MACF1: variants seen among roughly 807,000 people sequenced by gnomAD.
MACF1 encodes microtubule-actin cross-linking factor 1.
Under a neutral mutation model 854.8 loss-of-function variants are expected in MACF1, and 193 were observed. That is an observed-to-expected ratio of 0.23 (90% confidence interval 0.20 to 0.25). The LOEUF (loss-of-function observed/expected upper bound fraction) is 0.25. Among genes scored for constraint, MACF1 ranks in the 10% least tolerant of loss-of-function variants. MACF1 has a pLI of 1.00. For missense variants in MACF1, 7,722 were observed against 8,929.1 expected (o/e 0.86, Z 5.45); for synonymous variants, 3,185 against 3,226.7 (o/e 0.99, Z 0.44).
At chr1:39,266,678 G>C (rs531830527) in intron 6 of MACF1, among the ~76,000 whole-genome samples, 6 of 146,432 alleles carry the variant, frequency 4.1e-5, no homozygotes, top group African/African-American at 1.5e-4. Context: ...GGCTTGCATG[G>C]AACCAGGCAG....
intron 40 of MACF1, among the ~76,000 whole-genome samples, chr1:39,344,204 A>G (rs1030871880): frequency 6.6e-6 from 1 of 152,044 alleles, no homozygotes; most frequent in Non-Finnish European, 1.5e-5. Flanking sequence ...AGGCGGGAGG[A>G]TCACCTGAAG....
chr1:39,147,450 TTTC>T (rs1031168578), intron 2 of MACF1, among the ~76,000 whole-genome samples: 1 of 151,144 alleles, frequency 6.6e-6, no homozygotes, highest in African/African-American at 2.4e-5. Flanking sequence ...TTCTTTCCTC[TTTC>T]TTTTCTTTCC....
chr1:39,150,896 A>G (rs911327269), intron 2 of MACF1, among the ~76,000 whole-genome samples: 2 of 151,894 alleles, frequency 1.3e-5, no homozygotes, highest in Non-Finnish European at 2.9e-5. Context: ...ACTTTCTAGG[A>G]TTTTGTCCTT....
chr1:39,316,788 A>G (rs752682914), intron 28 of MACF1, among the ~76,000 whole-genome samples: 14 of 152,200 alleles, frequency 9.2e-5, no homozygotes, highest in Non-Finnish European at 1.8e-4. Flanking sequence ...GATTAATTGG[A>G]TACAGTCAGT....
intron 38 of MACF1, among the ~76,000 whole-genome samples, chr1:39,337,636 G>A (rs550507482): frequency 1.1e-4 from 15 of 135,676 alleles, no homozygotes; most frequent in African/African-American, 4.1e-4. Flanking sequence ...CGGTGATCTC[G>A]GCTCACTGCA....
In MACF1 at chr1:39,105,588, C is replaced by T. The variant is rs1001417156; in HGVS notation, c.220+21150C>T. The T allele has an allele frequency of 1.0e-5, 12 of 1,200,534 alleles. No homozygotes were observed. The highest frequency in any genetic ancestry group is 1.1e-5 in the Non-Finnish European group (10 of 943,682). 74.4% of individuals were successfully genotyped at this position (1,200,534 alleles called of 1,614,324 possible). A position where few individuals can be genotyped will look rare whatever the true frequency, so the allele number is the denominator to read the frequency against. ...CAGCGCGCGGGCCTGGAACCGGCAG[C>T]CCCCGGGGCTCGGCGAGAAGGCGGT... On this transcript the variant is annotated intron_variant, in intron 2 of 93. Coordinates refer to the MACF1 transcript ENST00000361689. The surrounding 1 kb of genome is among the most constrained non-coding windows in gnomAD (Gnocchi z 5.9).
intron 2 of MACF1, among the ~76,000 whole-genome samples, chr1:39,172,353 T>C (rs1442268982): frequency 1.3e-5 from 2 of 152,192 alleles, no homozygotes; most frequent in Middle Eastern, 3.2e-3. Flanking sequence ...CATTTATTCA[T>C]TCAACAAATA....
intron 58 of MACF1, chr1:39,410,068 AG>A (rs1642918170): frequency 2.2e-6 from 1 of 462,542 alleles, no homozygotes; most frequent in South Asian, 5.9e-5. Flanking sequence ...CTAGCCTGTG[AG>A]GAAAAAGCTG....
chr1:39,133,276 G>A (rs1055406939), intron 2 of MACF1, among the ~76,000 whole-genome samples: 1 of 152,218 alleles, frequency 6.6e-6, no homozygotes, highest in African/African-American at 2.4e-5. Context: ...GACCTGCACA[G>A]CCACTTGTTT....
chr1:39,393,455 T>C (rs1642133932), intron 58 of MACF1, among the ~76,000 whole-genome samples: 1 of 151,666 alleles, frequency 6.6e-6, no homozygotes, highest in Non-Finnish European at 1.5e-5. Flanking sequence ...TTCATATGTA[T>C]TTATATTGTT....
intron 44 of MACF1, among the ~76,000 whole-genome samples, chr1:39,354,701 A>C (rs1647378693): frequency 6.6e-6 from 1 of 152,120 alleles, no homozygotes; most frequent in African/African-American, 2.4e-5. Context: ...AGTTCCTCTT[A>C]TACCCTTTCC....
chr1:39,472,714 G>A (rs1036497836), intron 97 of MACF1, among the ~76,000 whole-genome samples: 2 of 152,220 alleles, frequency 1.3e-5, no homozygotes, highest in Admixed American at 6.5e-5. Flanking sequence ...TCTCTTGACC[G>A]AGATGAGAGC....
At chr1:39,363,096 C>T (rs1028029546) in intron 49 of MACF1, among the ~76,000 whole-genome samples, 1 of 152,090 alleles carries the variant, frequency 6.6e-6, no homozygotes, top group Non-Finnish European at 1.5e-5. Context: ...TAGCCTATGA[C>T]CCACTATGTA....
intron 4 of MACF1, chr1:39,254,096 A>G (rs1410008283): frequency 7.1e-6 from 4 of 561,180 alleles, no homozygotes; most frequent in African/African-American, 5.6e-5. Context: ...AGTGGTACAC[A>G]AGACATTTGG....
chr1:39,469,793 C>CA (rs1644742441), intron 97 of MACF1, among the ~76,000 whole-genome samples, 178 bp downstream of exon 97: 1 of 152,202 alleles, frequency 6.6e-6, no homozygotes, highest in Non-Finnish European at 1.5e-5. Context: ...ACTGTTGAGA[C>CA]AGTGTCCATG....
intron 2 of MACF1, among the ~76,000 whole-genome samples, chr1:39,154,473 A>G (rs954941865): frequency 6.6e-6 from 1 of 152,190 alleles, no homozygotes; most frequent in African/African-American, 2.4e-5. Flanking sequence ...TGACACTGAT[A>G]CGTGGGTGCT....
intron 2 of MACF1, among the ~76,000 whole-genome samples, chr1:39,116,586 TATTG>T (rs1642553114): frequency 6.6e-6 from 1 of 152,164 alleles, no homozygotes; most frequent in South Asian, 2.1e-4. Context: ...TCAGTTTGAT[TATTG>T]ATTGTTTGTA....
In MACF1 at chr1:39,285,466, G is replaced by A. The variant is rs1024593083; in HGVS notation, c.1353+76G>A. On this transcript the variant is annotated intron_variant, in intron 13 of 100. Coordinates refer to ENST00000564288, the MANE Select transcript of MACF1 (RefSeq NM_001394062.1). The stretch of plus-strand genomic sequence containing the variant: ...CTCACCCTCTGCTCTAATTGTTGAA[G>A]TTAGCAATCGAGGAATCCAGATGTA... 3 of 1,523,954 alleles carry A rather than the reference G, an allele frequency of 2.0e-6. No individual in the cohort carries two copies. In the African/African-American group the frequency reaches 4.2e-5, roughly 21 times the overall value. The allele number at this position is 1,523,954 out of a possible 1,614,324, so 94.4% of individuals were successfully genotyped here.
At chr1:39,182,640 T>G (rs1445305293) in intron 2 of MACF1, among the ~76,000 whole-genome samples, 1 of 152,162 alleles carries the variant, frequency 6.6e-6, no homozygotes, top group African/African-American at 2.4e-5. Flanking sequence ...ATTATGGAAA[T>G]GCTAATCAAG....
Sources: allele counts gnomAD v4.1 joint callset (sites outside exome capture counted in the v4.1 genomes callset), GRCh38; gene constraint gnomAD v4.1.1; non-coding constraint Gnocchi (gnomAD v3.1); transcripts MANE v1.5; gene names NCBI Gene and HGNC (gene_info 2026-07-23, HGNC 2026-07-21).